ZNF618: variants seen among roughly 807,000 people sequenced by gnomAD.
ZNF618 encodes the protein zinc finger protein 618.
In ZNF618, 34 loss-of-function variants were observed where a neutral mutation model predicts 103.0. That is an observed-to-expected ratio of 0.33 (90% confidence interval 0.25 to 0.44). The LOEUF is 0.44. ZNF618 is among the 20% of genes least tolerant of loss of function. The probability of loss-of-function intolerance (pLI) is 1.00; values close to 1 mark genes in which losing one functional copy is unlikely to be tolerated. For synonymous variants in ZNF618, 551 were observed against 542.2 expected (o/e 1.02, Z -0.23); for missense variants, 1,059 against 1,295.4 (o/e 0.82, Z 2.80).
At chr9:113,936,462 T>C (rs1834036636) in intron 1 of ZNF618, among the ~76,000 whole-genome samples, 2 of 152,278 alleles carry the variant, frequency 1.3e-5, no homozygotes, top group South Asian at 2.1e-4. Context: ...ATATGTCTGC[T>C]CCCAGATTAT....
chr9:113,930,882 C>T (rs1337830941), intron 1 of ZNF618, among the ~76,000 whole-genome samples: 1 of 152,134 alleles, frequency 6.6e-6, no homozygotes, highest in Non-Finnish European at 1.5e-5. Flanking sequence ...TTTCTCTTTT[C>T]TGGATTTTAG....
chr9:113,980,047 T>G (rs1838837712), intron 2 of ZNF618, among the ~76,000 whole-genome samples: 1 of 152,114 alleles, frequency 6.6e-6, no homozygotes, highest in Admixed American at 6.6e-5. Flanking sequence ...CTGGACATAC[T>G]TTGAAGGCGG....
At chr9:113,888,646 C>T (rs1450034716) in intron 1 of ZNF618, among the ~76,000 whole-genome samples, 3 of 152,318 alleles carry the variant, frequency 2.0e-5, no homozygotes, top group Admixed American at 2.0e-4. Flanking sequence ...GAGGTGGAGT[C>T]AGGATTCAAC....
At chr9:114,033,361 G>A (rs928198897) in intron 12 of ZNF618, among the ~76,000 whole-genome samples, 1 of 151,516 alleles carries the variant, frequency 6.6e-6, no homozygotes, top group Non-Finnish European at 1.5e-5. Flanking sequence ...ACTCCAGCCT[G>A]GGTGACAGAG....
At chr9:114,045,324 AAAAC>A (rs1845562717) in intron 13 of ZNF618, among the ~76,000 whole-genome samples, 1 of 152,092 alleles carries the variant, frequency 6.6e-6, no homozygotes, top group Non-Finnish European at 1.5e-5. Flanking sequence ...GTTTCCTTAT[AAAAC>A]TCTAAGAATT....
At chr9:113,937,393 A>G (rs111428831) in intron 1 of ZNF618, among the ~76,000 whole-genome samples, 2 of 152,208 alleles carry the variant, frequency 1.3e-5, no homozygotes, top group African/African-American at 2.4e-5. Context: ...TATAACCACA[A>G]TCTTTATCAG....
At chr9:113,944,217 C>T (rs1364862086) in intron 1 of ZNF618, among the ~76,000 whole-genome samples, 2 of 152,170 alleles carry the variant, frequency 1.3e-5, no homozygotes, top group South Asian at 2.1e-4. Context: ...TTTTCTGCCA[C>T]ACTAGTCAAT....
At chr9:114,018,820 G>T (rs1842843112) in intron 10 of ZNF618, among the ~76,000 whole-genome samples, 1 of 152,066 alleles carries the variant, frequency 6.6e-6, no homozygotes, top group Non-Finnish European at 1.5e-5. Context: ...CTGAAGTCTG[G>T]GGACTCAGGG....
chr9:113,935,167 A>G (rs769150038), intron 1 of ZNF618, among the ~76,000 whole-genome samples: 4 of 152,172 alleles, frequency 2.6e-5, no homozygotes, highest in Non-Finnish European at 5.9e-5. Context: ...AAGCTGCTTT[A>G]TGGCCCAGGC....
At position 114,049,240 on chromosome 9, in the gene ZNF618, C is replaced by T. The variant is rs376683289; in HGVS notation, c.1938C>T (p.Ser646=). 52 of 1,613,068 alleles carry T rather than the reference C, an allele frequency of 3.2e-5. No homozygotes were observed. In the African/African-American group the frequency reaches 5.1e-4, roughly 16 times the overall value. ...GTGCCTTGAACTCGGTGGTGCAGAG[C>T]GTGCTGAGCAAGCGGACACTGCAGG... is the stretch of plus-strand genomic sequence containing the variant. ...SACALNSVVQ[S]VLSKRTLQAR... is the part of the protein sequence containing the mutation. The change falls in exon 15 of 15, where the codon AGC becomes AGT. Residue 646 remains serine, a synonymous_variant. Coordinates refer to ENST00000374126, the MANE Select transcript of ZNF618 (RefSeq NM_001318042.2).
chr9:113,925,942 T>C (rs1032783365), intron 1 of ZNF618, among the ~76,000 whole-genome samples: 6 of 152,186 alleles, frequency 3.9e-5, no homozygotes, highest in Non-Finnish European at 8.8e-5. Flanking sequence ...TTTATTTTAC[T>C]CTTATTTATT....
intron 1 of ZNF618, among the ~76,000 whole-genome samples, chr9:113,936,900 T>TA (rs1014001658): frequency 1.3e-5 from 2 of 152,214 alleles, no homozygotes; most frequent in African/African-American, 4.8e-5. Flanking sequence ...CACTCTTATC[T>TA]ATTTGTTGAT....
At chr9:113,923,758 T>G (rs1832846170) in intron 1 of ZNF618, among the ~76,000 whole-genome samples, 1 of 152,148 alleles carries the variant, frequency 6.6e-6, no homozygotes, top group Non-Finnish European at 1.5e-5. Context: ...TTGTAATGTC[T>G]TTATCTGGTT....
At chr9:113,899,696 C>G (rs1259197044) in intron 1 of ZNF618, among the ~76,000 whole-genome samples, 1 of 152,180 alleles carries the variant, frequency 6.6e-6, no homozygotes, top group African/African-American at 2.4e-5. Context: ...TTAGATGACT[C>G]TAGGTACCTC....
At chr9:113,917,757 T>C (rs959169104) in intron 1 of ZNF618, among the ~76,000 whole-genome samples, 1 of 152,166 alleles carries the variant, frequency 6.6e-6, no homozygotes, top group East Asian at 1.9e-4. Context: ...ACACATTTTT[T>C]AAAAAACTTT....
At chr9:114,024,829 A>C in intron 10 of ZNF618, among the ~76,000 whole-genome samples, 1 of 151,430 alleles carries the variant, frequency 6.6e-6, no homozygotes, top group East Asian at 1.9e-4. Context: ...AAGGGGGCCC[A>C]TATGCACATT....
chr9:113,990,558 A>G (rs929184141), intron 3 of ZNF618, among the ~76,000 whole-genome samples: 15 of 152,252 alleles, frequency 9.9e-5, no homozygotes, highest in Non-Finnish European at 2.1e-4. Context: ...TTGTGGGTCA[A>G]GAGGGACCTC....
At chr9:113,989,470 A>G (rs957968183) in intron 3 of ZNF618, among the ~76,000 whole-genome samples, 2 of 152,254 alleles carry the variant, frequency 1.3e-5, no homozygotes, top group East Asian at 1.9e-4. Context: ...TGTGGGCACA[A>G]GTTTGCAACC....
At chr9:113,981,125 C>T (rs929786193) in intron 2 of ZNF618, among the ~76,000 whole-genome samples, 8 of 152,130 alleles carry the variant, frequency 5.3e-5, no homozygotes, top group Admixed American at 3.9e-4. Context: ...TATTTAAGCT[C>T]AGCTGGAGAG....
Sources: gnomAD v4.1 joint callset for allele counts (sites outside exome capture counted in the v4.1 genomes callset) on GRCh38, gnomAD v4.1.1 for gene constraint, MANE v1.5 for transcripts, NCBI Gene and HGNC (gene_info 2026-07-23, HGNC 2026-07-21) for gene names.